The following TRPM3 variants were observed in gnomAD, a reference collection of about 807,000 sequenced individuals.
TRPM3 encodes the protein transient receptor potential cation channel subfamily M member 3.
TRPM3 carries 77 observed loss-of-function variants against 181.2 expected under a neutral mutation model. The observed-to-expected ratio is 0.42, with a 90% CI of 0.35 to 0.51. The LOEUF (loss-of-function observed/expected upper bound fraction) is 0.51, where lower values mean the gene tolerates loss of function less well. TRPM3 is among the 20% of genes least tolerant of loss of function. The pLI is 0.01. For missense variants in TRPM3, 1,759 were observed against 2,196.7 expected (o/e 0.80, Z 3.98); for synonymous variants, 745 against 796.4 (o/e 0.94, Z 1.09).
chr9:71,131,615 AC>A lies in TRPM3; in HGVS notation c.184-267105del, dbSNP rs1587546188. ...AAGTCATTTAGCATTCCTTATGGTG[AC>A]TATTGCTTGTCTATAAACTGATTTG... On this transcript the variant is annotated intron_variant, in intron 1 of 24. Coordinates refer to the TRPM3 transcript ENST00000357533. 3.9e-5 allele frequency among the ~76,000 whole-genome samples: 6 copies of A among 152,318 alleles called. 1 individual carries two copies. The East Asian group carries it at 1.2e-3, about 29-fold the overall frequency.
intron 1 of TRPM3, among the ~76,000 whole-genome samples, chr9:71,403,927 T>G (rs1447402832): frequency 6.6e-6 from 1 of 152,186 alleles, no homozygotes; most frequent in Non-Finnish European, 1.5e-5. Flanking sequence ...TGCTTTCTAA[T>G]GATCAATTAA....
rs532220616 is a variant in TRPM3, at chr9:71,431,907, C to G, written c.183+14746G>C. Among the ~76,000 whole-genome samples, 21 of 152,298 alleles carry G rather than the reference C, an allele frequency of 1.4e-4. No individual in the cohort carries two copies. The South Asian group carries it at 4.1e-3, about 30-fold the overall frequency. On this transcript the variant is annotated intron_variant, in intron 1 of 24. Coordinates refer to the TRPM3 transcript ENST00000357533. Reference sequence around the variant, plus strand: ...AAGTCTACAGGATTTTCATTATGCTCTTTCACTTACTTCACACACAATTAC... The same window carrying G: ...AAGTCTACAGGATTTTCATTATGCTGTTTCACTTACTTCACACACAATTAC...
At chr9:70,967,804 C>T (rs1432085121) in intron 1 of TRPM3, among the ~76,000 whole-genome samples, 2 of 152,026 alleles carry the variant, frequency 1.3e-5, no homozygotes, top group African/African-American at 4.8e-5. Context: ...TGAAAATTTA[C>T]CTTATCATAA....
intron 1 of TRPM3, among the ~76,000 whole-genome samples, chr9:71,241,713 C>G (rs781764306): frequency 6.6e-6 from 1 of 151,950 alleles, no homozygotes; most frequent in Non-Finnish European, 1.5e-5. Flanking sequence ...AATTCTATTC[C>G]GTAACATATT....
chr9:70,873,707 C>G (rs2095828238), intron 1 of TRPM3, among the ~76,000 whole-genome samples: 1 of 151,962 alleles, frequency 6.6e-6, no homozygotes, highest in Non-Finnish European at 1.5e-5. Flanking sequence ...GACCATTGTT[C>G]CTCTTCCCTA....
intron 1 of TRPM3, among the ~76,000 whole-genome samples, chr9:71,291,312 C>G (rs2085791416): frequency 2.0e-5 from 3 of 152,180 alleles, no homozygotes; most frequent in African/African-American, 7.2e-5. Flanking sequence ...GTAACCTCTG[C>G]TTTAACCCTT....
At chr9:71,292,595 T>A (rs1355722237) in intron 1 of TRPM3, among the ~76,000 whole-genome samples, 1 of 151,874 alleles carries the variant, frequency 6.6e-6, no homozygotes, top group Non-Finnish European at 1.5e-5. Context: ...AAGAAGAGAT[T>A]GGAGAAATAG....
At chr9:71,288,646 C>A (rs139598269) in intron 1 of TRPM3, among the ~76,000 whole-genome samples, 2 of 152,114 alleles carry the variant, frequency 1.3e-5, no homozygotes, top group African/African-American at 4.8e-5. Flanking sequence ...GAGGAGAATT[C>A]CTTGGAGGCC....
At chr9:71,398,263 T>A (rs2093248219) in intron 1 of TRPM3, among the ~76,000 whole-genome samples, 1 of 152,242 alleles carries the variant, frequency 6.6e-6, no homozygotes, top group Non-Finnish European at 1.5e-5. Context: ...TTATCCCGGC[T>A]GCATATTTGA....
rs961074058 is a variant in TRPM3, at chr9:70,536,357, C to T, written c.4756G>A (p.Asp1586Asn). The change falls in exon 26 of 26, where the codon GAC (aspartate) becomes AAC (asparagine). Residue 1586 changes from aspartate to asparagine, a missense_variant. Physicochemically the swap from Asp to Asn is conservative, Grantham distance 23. Coordinates refer to ENST00000677713, the MANE Select transcript of TRPM3 (RefSeq NM_001366145.2). ...CAGCAAGTTAAGTCCTCCACTTTGTCTCCAAGACCTCCAGGGAAGGCAGCT... is the reference window on the plus strand; with the variant it reads ...CAGCAAGTTAAGTCCTCCACTTTGTTTCCAAGACCTCCAGGGAAGGCAGCT... ...DRAAFPGGLG[D>N]KVEDLTCCHP... is the part of the protein sequence containing the mutation. 16 of 1,614,096 alleles carry T rather than the reference C, an allele frequency of 9.9e-6. No individual in the cohort carries two copies. The East Asian group carries it at 3.3e-4, about 34-fold the overall frequency.
chr9:70,811,661 G>A (rs1036221051), intron 6 of TRPM3, among the ~76,000 whole-genome samples: 7 of 152,110 alleles, frequency 4.6e-5, no homozygotes, highest in Admixed American at 2.0e-4. Context: ...TCCAGGAGAC[G>A]ATAGGAATTG....
At chr9:71,253,401 C>T (rs1441649789) in intron 1 of TRPM3, among the ~76,000 whole-genome samples, 1 of 152,078 alleles carries the variant, frequency 6.6e-6, no homozygotes, top group African/African-American at 2.4e-5. Flanking sequence ...CAAGTGGGCA[C>T]GTGTGTACTC....
intron 1 of TRPM3, among the ~76,000 whole-genome samples, chr9:70,993,925 G>C (rs2097517741): frequency 6.6e-6 from 1 of 151,976 alleles, no homozygotes; most frequent in Admixed American, 6.6e-5. Context: ...CAGGCAAATT[G>C]CAAGAACCTG....
chr9:71,259,210 T>C (rs1310066900), intron 1 of TRPM3, among the ~76,000 whole-genome samples: 3 of 152,184 alleles, frequency 2.0e-5, no homozygotes, highest in African/African-American at 4.8e-5. Context: ...CATGTCACTG[T>C]GAAGGACATG....
rs1198963419 is a variant in TRPM3, at chr9:71,043,688, G to A, written c.177+77490C>T. The stretch of plus-strand genomic sequence containing the variant: ...GGACTAGCAACATCAGCATCAGCTG[G>A]GAATTTTTTAGAAGGAGAAATTTTC... On this transcript the variant is annotated intron_variant, in intron 1 of 25. Transcript: ENST00000677713. Among the ~76,000 whole-genome samples, 5 of 152,116 alleles carry A rather than the reference G, an allele frequency of 3.3e-5. No individual in the cohort carries two copies. In the East Asian group the frequency reaches 9.6e-4, roughly 29 times the overall value.
chr9:71,139,156 C>G (rs1027916251), intron 1 of TRPM3, among the ~76,000 whole-genome samples: 1 of 152,150 alleles, frequency 6.6e-6, no homozygotes, highest in African/African-American at 2.4e-5. Context: ...TGTCCTCACT[C>G]ACCACAATTC....
chr9:70,582,745 A>G (rs770031247), intron 22 of TRPM3, among the ~76,000 whole-genome samples: 16 of 152,212 alleles, frequency 1.1e-4, no homozygotes, highest in Non-Finnish European at 1.9e-4. Context: ...GATGAGTACC[A>G]TCACCCATCA....
intron 6 of TRPM3, among the ~76,000 whole-genome samples, chr9:70,807,928 TG>T (rs1332535876): frequency 6.6e-6 from 1 of 152,106 alleles, no homozygotes; most frequent in Admixed American, 6.5e-5. Context: ...ATTTAGGTTT[TG>T]GCCAGGTAGT....
intron 3 of TRPM3, among the ~76,000 whole-genome samples, chr9:70,847,589 GAATTT>G (rs1399215442): frequency 6.6e-6 from 1 of 152,098 alleles, no homozygotes; most frequent in African/African-American, 2.4e-5. Context: ...TTTTATGGGA[GAATTT>G]AATATGGGAT....
Sources: allele counts gnomAD v4.1 joint callset (sites outside exome capture counted in the v4.1 genomes callset), GRCh38; gene constraint gnomAD v4.1.1; transcripts MANE v1.5; gene names NCBI Gene and HGNC (gene_info 2026-07-23, HGNC 2026-07-21).